Variants in CLASP1 observed in about 807,000 individuals in gnomAD.
CLASP1 encodes the protein cytoplasmic linker associated protein 1.
Under a neutral mutation model 192.3 loss-of-function variants are expected in CLASP1, and 38 were observed. The observed-to-expected ratio is 0.20, with a 90% confidence interval of 0.15 to 0.26. The LOEUF (loss-of-function observed/expected upper bound fraction) is 0.26, where lower values mean the gene tolerates loss of function less well. CLASP1 is among the 10% of genes least tolerant of loss of function. CLASP1 has a pLI of 1.00. For missense variants in CLASP1, 1,433 were observed against 1,932.5 expected, an observed-to-expected ratio of 0.74 and a Z score of 4.85; for synonymous variants, 691 against 712.8, an observed-to-expected ratio of 0.97 and a Z score of 0.49.
At chr2:121,366,502 T>C (rs538437662) in intron 35 of CLASP1, among the ~76,000 whole-genome samples, 110 of 152,368 alleles carry the variant, frequency 7.2e-4, no homozygotes, top group Non-Finnish European at 1.2e-3. Flanking sequence ...TTTCTTTTCT[T>C]TGTGCCCCGA....
chr2:121,456,058 G>A (rs532446758), intron 14 of CLASP1, among the ~76,000 whole-genome samples: 1 of 152,188 alleles, frequency 6.6e-6, no homozygotes, highest in South Asian at 2.1e-4. Flanking sequence ...ATTGCTGAGA[G>A]TAGATTTCAA....
intron 2 of CLASP1, among the ~76,000 whole-genome samples, chr2:121,578,993 T>C (rs927386850): frequency 6.6e-6 from 1 of 152,194 alleles, no homozygotes; most frequent in Non-Finnish European, 1.5e-5. Flanking sequence ...CTAATATACA[T>C]TTGTTTCATT....
Position 121,469,246 on chromosome 2 carries a change from C to T in CLASP1, c.865+562G>A, listed in dbSNP as rs762245676. Among the ~76,000 whole-genome samples, 5 of 152,162 alleles carry T rather than the reference C, an allele frequency of 3.3e-5. No homozygotes were observed. The East Asian group carries it at 9.6e-4, about 29-fold the overall frequency. ...AGCTCTACTTCATGCTGCCACCCAA[C>T]AGACACACCAACAGCTGCCACCTCA... On this transcript the variant is annotated intron_variant, in intron 9 of 39. Transcript: ENST00000263710.
intron 2 of CLASP1, among the ~76,000 whole-genome samples, chr2:121,598,330 C>G (rs1362230792): frequency 6.6e-6 from 1 of 152,186 alleles, no homozygotes; most frequent in African/African-American, 2.4e-5. Flanking sequence ...TCAAACTGAT[C>G]CCAATATGAG....
At chr2:121,588,312 C>T (rs2061969900) in intron 2 of CLASP1, among the ~76,000 whole-genome samples, 1 of 151,844 alleles carries the variant, frequency 6.6e-6, no homozygotes, top group Admixed American at 6.6e-5. Flanking sequence ...AGAATATAAT[C>T]CCTTATACAT....
At chr2:121,536,887 G>A (rs1448303075) in intron 2 of CLASP1, among the ~76,000 whole-genome samples, 1 of 152,168 alleles carries the variant, frequency 6.6e-6, no homozygotes, top group Non-Finnish European at 1.5e-5. Context: ...TAATTCAAAT[G>A]TACTTCATGC....
At position 121,556,331 on chromosome 2, in the gene CLASP1, T is replaced by C. The variant is rs551182718; in HGVS notation, c.196-26006A>G. Among the ~76,000 whole-genome samples, 4 of 152,182 alleles carry C rather than the reference T, an allele frequency of 2.6e-5. No homozygotes were observed. In the South Asian group the frequency reaches 8.3e-4, roughly 32 times the overall value. ...GCAAGTCGTTATCATTTCAATCCTC[T>C]CTTCAACACCATCCAAGGGCTCCCC... On this transcript the variant is annotated intron_variant, in intron 2 of 39. Transcript: ENST00000263710.
At position 121,584,506 on chromosome 2, in the gene CLASP1, G is replaced by T. The variant is rs1279903311; in HGVS notation, c.195+21195C>A. 2.6e-5 allele frequency among the ~76,000 whole-genome samples: 4 copies of T among 152,162 alleles called. No homozygotes were observed. The South Asian group carries it at 8.3e-4, about 32-fold the overall frequency. On this transcript the variant is annotated intron_variant, in intron 2 of 39. Transcript: ENST00000263710. ...ACATGATCTAAGCCTGGTTTTTAAG[G>T]AAAGGTGGAGAGGGAGGCTAAATGC...
chr2:121,410,691 G>A (rs889861251), intron 24 of CLASP1, among the ~76,000 whole-genome samples, 175 bp downstream of exon 25: 1 of 152,130 alleles, frequency 6.6e-6, no homozygotes, highest in African/African-American at 2.4e-5. Context: ...GTGTGCAGAG[G>A]TAAAAGTTTA....
chr2:121,373,313 G>C (rs965514367), intron 34 of CLASP1, among the ~76,000 whole-genome samples: 1 of 152,106 alleles, frequency 6.6e-6, no homozygotes, highest in African/African-American at 2.4e-5. Context: ...GGCCTCCCCA[G>C]CCAGGCCTCC....
rs557362543 is a variant in CLASP1 at position 121,505,983 on chromosome 2, C to A, written c.645-2749G>T. 3.9e-5 allele frequency among the ~76,000 whole-genome samples: 6 copies of A among 152,172 alleles called. No homozygotes were observed. In the South Asian group the frequency reaches 1.2e-3, roughly 32 times the overall value. On this transcript the variant is annotated intron_variant, in intron 7 of 39. Coordinates refer to ENST00000263710, the Ensembl canonical transcript of CLASP1. Reference sequence around the variant, plus strand: ...AAAGAGAAATCAACATAAACACATACTTAAAAATCCAAACTTGGAGGACAG... The same window carrying A: ...AAAGAGAAATCAACATAAACACATAATTAAAAATCCAAACTTGGAGGACAG...
At chr2:121,443,814 GC>G (rs1468246209) in intron 19 of CLASP1, among the ~76,000 whole-genome samples, 51 of 152,112 alleles carry the variant, frequency 3.4e-4, no homozygotes, top group Non-Finnish European at 7.4e-5. Context: ...AAGAAACACT[GC>G]TCTTGGGATC....
intron 8 of CLASP1, among the ~76,000 whole-genome samples, chr2:121,487,070 G>C (rs1381927469): frequency 6.6e-6 from 1 of 152,032 alleles, no homozygotes; most frequent in Non-Finnish European, 1.5e-5. Context: ...GACTTCAGTT[G>C]GTCCTACCAC....
chr2:121,644,966 C>CAAAAAAAAAAAAAAAAA (rs74265895), intron 1 of CLASP1, among the ~76,000 whole-genome samples: 1 of 112,676 alleles, frequency 8.9e-6, no homozygotes. Flanking sequence ...AAAAAAAAAA[C>CAAAAAAAAAAAAAAAAA]AAAAAAAAAA....
intron 34 of CLASP1, among the ~76,000 whole-genome samples, chr2:121,373,953 G>A (rs1402734646): frequency 6.6e-6 from 1 of 152,192 alleles, no homozygotes; most frequent in African/African-American, 2.4e-5. Flanking sequence ...ACCCATTTTT[G>A]GGAAGGAATT....
At chr2:121,448,244 G>A in intron 18 of CLASP1, 32 bp downstream of exon 18, 1 of 1,601,376 alleles carries the variant, frequency 6.2e-7, no homozygotes, top group Non-Finnish European at 8.6e-7. Flanking sequence ...CCAGAGCGGA[G>A]AACAGGCCTT....
chr2:121,610,296 G>A (rs1185814572), intron 1 of CLASP1, among the ~76,000 whole-genome samples: 2 of 150,140 alleles, frequency 1.3e-5, no homozygotes, highest in East Asian at 3.9e-4. Context: ...AGGAGGAGGA[G>A]TTATGAGAGG....
At chr2:121,552,771 G>A (rs2058157942) in intron 2 of CLASP1, among the ~76,000 whole-genome samples, 1 of 152,230 alleles carries the variant, frequency 6.6e-6, no homozygotes, top group Non-Finnish European at 1.5e-5. Flanking sequence ...CCACTGTGGA[G>A]AGCAGTCTGG....
At chr2:121,647,639 T>C (rs891335938) in intron 1 of CLASP1, among the ~76,000 whole-genome samples, 4 of 152,326 alleles carry the variant, frequency 2.6e-5, no homozygotes, top group Admixed American at 2.6e-4. Flanking sequence ...CTCTTTTACA[T>C]AAATAAAGTG....
Sources: allele counts gnomAD v4.1 joint callset (sites outside exome capture counted in the v4.1 genomes callset), GRCh38; gene constraint gnomAD v4.1.1; transcripts MANE v1.5; gene names NCBI Gene and HGNC (gene_info 2026-07-23, HGNC 2026-07-21).